The following HOXB13 variants were observed in gnomAD, a reference collection of about 807,000 sequenced individuals.
HOXB13 encodes the protein homeobox B13.
In HOXB13, 22 loss-of-function variants were observed where a neutral mutation model predicts 23.1. The ratio of observed to expected loss-of-function variants is 0.95; its 90% CI spans 0.68 to 1.36. HOXB13 has a LOEUF of 1.36. HOXB13 is among the 40% of genes most tolerant of loss of function. The pLI, the probability that HOXB13 is intolerant of heterozygous loss-of-function variation, is 0.00. For synonymous variants in HOXB13, 173 were observed against 157.9 expected (o/e 1.10, Z -0.72); for missense variants, 386 against 376.2 (o/e 1.03, Z -0.22).
chr17:48,727,401 A>C (rs569387292), intron 1 of HOXB13, among the ~76,000 whole-genome samples: 1 of 152,024 alleles, frequency 6.6e-6, no homozygotes, highest in Non-Finnish European at 1.5e-5. Context: ...TTCTACAGGC[A>C]AATTCTGGAA....
Position 48,725,734 on chromosome 17 carries a change from C to A in HOXB13, c.*1056G>T, listed in dbSNP as rs905057486. ...TGCGCGGCCAGGAGATGAGTCCCAC[C>A]GGGCACTGAGCCCAGGTACAGGACA... is the stretch of plus-strand genomic sequence containing the variant. On this transcript the variant is annotated 3_prime_UTR_variant, in exon 2 of 2. Transcript: ENST00000290295. 3 of 152,346 alleles carry A rather than the reference C, an allele frequency of 2.0e-5. No individual in the cohort carries two copies. Among genetic ancestry groups the A allele is most frequent in the Admixed American group, 1.3e-4 (2 of 15,288 alleles). The allele number at this position is 152,346 out of a possible 1,614,324, so 9.4% of individuals were successfully genotyped here.
In HOXB13 at chr17:48,728,598, C is replaced by A. The variant is rs1567701739; in HGVS notation, c.-5G>T. 4 of 1,611,478 alleles carry A rather than the reference C, an allele frequency of 2.5e-6. No individual in the cohort carries two copies. In the East Asian group the frequency reaches 6.7e-5, roughly 27 times the overall value. On this transcript the variant is annotated 5_prime_UTR_variant, in exon 1 of 2. Coordinates refer to ENST00000290295, the MANE Select transcript of HOXB13 (RefSeq NM_006361.6). ...GGCATAATTGCCGGGCTCCATGGAG[C>A]CGAGGGTCGGCTCATGAGGTGCGGG...
chr17:48,727,876 G>A, intron 1 of HOXB13, 117 bp downstream of exon 1: 2 of 1,262,916 alleles, frequency 1.6e-6, no homozygotes, highest in South Asian at 1.4e-5. Context: ...ACCAAGGGAG[G>A]AGCACCAAGC....
chr17:48,728,557 T>C lies in HOXB13; in HGVS notation c.37A>G (p.Lys13Glu). 1 of 1,612,898 alleles carries C rather than the reference T, an allele frequency of 6.2e-7. No homozygotes were observed. The highest frequency in any genetic ancestry group is 1.1e-5 in the South Asian group (1 of 91,048). Residue 13 changes from lysine (K) to glutamate (E), a missense_variant, in exon 1 of 2, where the codon AAG (lysine) becomes GAG (glutamate). By Grantham distance (56) the Lys-to-Glu change is moderately conservative (BLOSUM62 1). Coordinates refer to ENST00000290295, the MANE Select transcript of HOXB13 (RefSeq NM_006361.6). ...GCTCCCAGCAAGCCTTCGATATCCTTGGCTCCATCCAAGGTGGCATAATTG... is the reference window on the plus strand; with the variant it reads ...GCTCCCAGCAAGCCTTCGATATCCTCGGCTCCATCCAAGGTGGCATAATTG... ...PGNYATLDGAKDIEGLLGAGG... is the reference protein window; with the variant it reads ...PGNYATLDGAEDIEGLLGAGG...
In HOXB13 at chr17:48,726,607, T is replaced by G; in HGVS notation, c.*183A>C. Reference sequence around the variant, plus strand: ...GTGGGCTGTCACATGGGGTTCCGTCTCCCTGCACATACTGGGTACCCAGGC... The same window carrying G: ...GTGGGCTGTCACATGGGGTTCCGTCGCCCTGCACATACTGGGTACCCAGGC... On this transcript the variant is annotated 3_prime_UTR_variant, in exon 2 of 2. Transcript: ENST00000290295. 1.5e-6 allele frequency: 1 copy of G among 677,486 alleles called. No individual in the cohort carries two copies. Among genetic ancestry groups the G allele is most frequent in the Non-Finnish European group, 2.5e-6 (1 of 407,950 alleles). 42.0% of individuals were successfully genotyped at this position (677,486 alleles called of 1,614,324 possible). A position where few individuals can be genotyped will look rare whatever the true frequency, so the allele number is the denominator to read the frequency against.
At position 48,726,007 on chromosome 17, in the gene HOXB13, C is replaced by A. The variant is rs537447730; in HGVS notation, c.*783G>T. 1 of 152,350 alleles carries A rather than the reference C, an allele frequency of 6.6e-6. No individual in the cohort carries two copies. Among genetic ancestry groups the A allele is most frequent in the African/African-American group, 2.4e-5 (1 of 41,578 alleles). The allele number at this position is 152,350 out of a possible 1,614,324, so 9.4% of individuals were successfully genotyped here. ...AAACCATGACCTGCTTTGGTCAGAACCACCAGAAATATTAAGGGAAGACTC... is the reference window on the plus strand; with the variant it reads ...AAACCATGACCTGCTTTGGTCAGAAACACCAGAAATATTAAGGGAAGACTC... On this transcript the variant is annotated 3_prime_UTR_variant, in exon 2 of 2. Coordinates refer to ENST00000290295, the MANE Select transcript of HOXB13 (RefSeq NM_006361.6).
At position 48,728,520 on chromosome 17, in the gene HOXB13, C is replaced by T. The variant is rs587780165; in HGVS notation, c.74G>A (p.Arg25Gln). The T allele has an allele frequency of 1.2e-6, 2 of 1,613,248 alleles. No homozygotes were observed. The highest frequency in any genetic ancestry group is 1.7e-6 in the Non-Finnish European group (2 of 1,179,938). ...CAGAGGGGAGTGGGCGACCAGATTC[C>T]GCCCCCCTCCCGCTCCCAGCAAGCC... ...IEGLLGAGGG[R>Q]NLVAHSPLTS... The change falls in exon 1 of 2, where the codon CGG becomes CAG. Residue 25 changes from arginine to glutamine, a missense_variant. By Grantham distance (43) the Arg-to-Gln change is conservative. Transcript: ENST00000290295.
chr17:48,724,883 T>A lies in HOXB13; in HGVS notation c.*1907A>T. On this transcript the variant is annotated 3_prime_UTR_variant, in exon 2 of 2. Coordinates refer to ENST00000290295, the MANE Select transcript of HOXB13 (RefSeq NM_006361.6). Reference sequence around the variant, plus strand: ...TCCAGAGGTTCCAGACCCCCAAAGGTCTCTACCAGGGCCATCTCCGTTAGT... The same window carrying A: ...TCCAGAGGTTCCAGACCCCCAAAGGACTCTACCAGGGCCATCTCCGTTAGT... 1 of 396,788 alleles carries A rather than the reference T, an allele frequency of 2.5e-6. No homozygotes were observed. Among genetic ancestry groups the A allele is most frequent in the Non-Finnish European group, 4.4e-6 (1 of 228,908 alleles). 24.6% of individuals were successfully genotyped at this position (396,788 alleles called of 1,614,324 possible). A position where few individuals can be genotyped will look rare whatever the true frequency, so the allele number is the denominator to read the frequency against.
rs988736136 is a variant in HOXB13 at position 48,728,701 on chromosome 17, A to T, written c.-108T>A. 3 of 1,081,524 alleles carry T rather than the reference A, an allele frequency of 2.8e-6. No homozygotes were observed. Among genetic ancestry groups the T allele is most frequent in the Admixed American group, 2.4e-5 (1 of 40,876 alleles). 67.0% of individuals were successfully genotyped at this position (1,081,524 alleles called of 1,614,324 possible). A position where few individuals can be genotyped will look rare whatever the true frequency, so the allele number is the denominator to read the frequency against. On this transcript the variant is annotated 5_prime_UTR_variant, in exon 1 of 2. Coordinates refer to ENST00000290295, the MANE Select transcript of HOXB13 (RefSeq NM_006361.6). ...ATCCAAAGCGTTTTAAATCGCTCCC[A>T]GCTCGCAAGTCGCCTGCATTCGCTC...
chr17:48,726,951 C>T lies in HOXB13; in HGVS notation c.694G>A (p.Glu232Lys), dbSNP rs1370849824. Residue 232 changes from glutamate to lysine, a missense_variant, in exon 2 of 2, where the codon GAG becomes AAG. Transcript: ENST00000290295. ...AACTTGTTAGCCGCATACTCCCGCT[C>T]CAGCTCCCGCAACTGCCCCTTGCTG... The part of the protein sequence containing the change: ...PYSKGQLREL[E>K]REYAANKFIT... 2 of 1,613,722 alleles carry T rather than the reference C, an allele frequency of 1.2e-6. No homozygotes were observed. The highest frequency in any genetic ancestry group is 8.5e-7 in the Non-Finnish European group (1 of 1,180,032).
chr17:48,725,994 G>A lies in HOXB13; in HGVS notation c.*796C>T, dbSNP rs1597931627. ...CCAAATGCTCAACAAACCATGACCT[G>A]CTTTGGTCAGAACCACCAGAAATAT... is the stretch of plus-strand genomic sequence containing the variant. On this transcript the variant is annotated 3_prime_UTR_variant, in exon 2 of 2. Coordinates refer to ENST00000290295, the MANE Select transcript of HOXB13 (RefSeq NM_006361.6). The A allele has an allele frequency of 6.6e-6, 1 of 152,226 alleles. No homozygotes were observed. The highest frequency in any genetic ancestry group is 1.9e-4 in the East Asian group (1 of 5,200). 9.4% of individuals were successfully genotyped at this position (152,226 alleles called of 1,614,324 possible).
In HOXB13 at chr17:48,725,230, C is replaced by G. The variant is rs1274449941; in HGVS notation, c.*1560G>C. ...CTTAAGCTGGACCACGGGGCTTGGACGATTTTTTAAATCAGGAAATCGACC... is the reference window on the plus strand; with the variant it reads ...CTTAAGCTGGACCACGGGGCTTGGAGGATTTTTTAAATCAGGAAATCGACC... On this transcript the variant is annotated 3_prime_UTR_variant, in exon 2 of 2. Transcript: ENST00000290295. The G allele has an allele frequency of 6.5e-6, 1 of 152,692 alleles. No homozygotes were observed. The allele number at this position is 152,692 out of a possible 1,614,324, so 9.5% of individuals were successfully genotyped here. A position where few individuals can be genotyped will look rare whatever the true frequency, so the allele number is the denominator to read the frequency against.
chr17:48,727,905 A>C, intron 1 of HOXB13, 88 bp downstream of exon 1: 1 of 1,471,028 alleles, frequency 6.8e-7, no homozygotes, highest in Non-Finnish European at 9.2e-7. Flanking sequence ...ACCAGCTCCA[A>C]GTCTCCCTCC....
At chr17:48,727,637 A>T (rs1255631966) in intron 1 of HOXB13, among the ~76,000 whole-genome samples, 1 of 152,180 alleles carries the variant, frequency 6.6e-6, no homozygotes, top group Non-Finnish European at 1.5e-5. Context: ...ATTGAGAGTT[A>T]TTTAGCTTTT....
Position 48,728,617 on chromosome 17 carries a change from G to C in HOXB13, c.-24C>G, listed in dbSNP as rs1597935528. On this transcript the variant is annotated 5_prime_UTR_variant, in exon 1 of 2. Transcript: ENST00000290295. ...ATGGAGCCGAGGGTCGGCTCATGAGGTGCGGGGGCGGGGAATCTAGGGGGC... is the reference window on the plus strand; with the variant it reads ...ATGGAGCCGAGGGTCGGCTCATGAGCTGCGGGGGCGGGGAATCTAGGGGGC... The C allele has an allele frequency of 6.2e-7, 1 of 1,609,868 alleles. No homozygotes were observed. Among genetic ancestry groups the C allele is most frequent in the East Asian group, 2.2e-5 (1 of 44,842 alleles).
In HOXB13 at chr17:48,726,554, GGCCA is replaced by G; in HGVS notation, c.*232_*235del. The G allele has an allele frequency of 3.5e-6, 2 of 567,852 alleles. No homozygotes were observed. The highest frequency in any genetic ancestry group is 6.3e-6 in the Non-Finnish European group (2 of 318,776). The allele number at this position is 567,852 out of a possible 1,614,324, so 35.2% of individuals were successfully genotyped here. ...CTGTCAGGATGAATGATTATGACTG[GGCCA>G]GGTTCTTTGGGAACCCTGGTGGAGT... On this transcript the variant is annotated 3_prime_UTR_variant, in exon 2 of 2. Transcript: ENST00000290295.
In HOXB13 at chr17:48,728,019, C is replaced by A. The variant is rs2143070847; in HGVS notation, c.575G>T (p.Gly192Val). 1 of 1,614,170 alleles carries A rather than the reference C, an allele frequency of 6.2e-7. No homozygotes were observed. The highest frequency in any genetic ancestry group is 1.6e-4 in the Middle Eastern group (1 of 6,062). The stretch of plus-strand genomic sequence containing the variant: ...TGCAAATGCTGCCTTCCAAAAGGGA[C>A]CTGGTGGGTTCTGTTCTCCCTGGCA... ...MCCQGEQNPPGPFWKAAFADS... is the reference protein window; with the variant it reads ...MCCQGEQNPPVPFWKAAFADS... The change falls in exon 1 of 2, where the codon GGT becomes GTT. Residue 192 changes from glycine (G) to valine (V), a missense_variant. By Grantham distance (109) the Gly-to-Val change is moderately radical. Coordinates refer to ENST00000290295, the MANE Select transcript of HOXB13 (RefSeq NM_006361.6).
In HOXB13 at chr17:48,728,072, G is replaced by C. The variant is rs1408338112; in HGVS notation, c.522C>G (p.Leu174=). ...LPVDSYQSWA[L]AGGWNSQMCC... Reference sequence around the variant, plus strand: ...ACATCTGGCTGTTCCAGCCACCAGCGAGAGCCCAAGACTGGTAACTGTCCA... The same window carrying C: ...ACATCTGGCTGTTCCAGCCACCAGCCAGAGCCCAAGACTGGTAACTGTCCA... The change falls in exon 1 of 2, where the codon CTC becomes CTG. Residue 174 remains leucine, a synonymous_variant. Transcript: ENST00000290295. 3.1e-6 allele frequency: 5 copies of C among 1,614,180 alleles called. No homozygotes were observed. Among genetic ancestry groups the C allele is most frequent in the Admixed American group, 1.7e-5 (1 of 60,024 alleles).
At position 48,728,727 on chromosome 17, in the gene HOXB13, A is replaced by C. The variant is rs2038246273; in HGVS notation, c.-134T>G. The C allele has an allele frequency of 1.2e-6, 1 of 815,808 alleles. No homozygotes were observed. The highest frequency in any genetic ancestry group is 1.7e-5 in the African/African-American group (1 of 58,124). 50.5% of individuals were successfully genotyped at this position (815,808 alleles called of 1,614,324 possible). ...GCTCGCAAGTCGCCTGCATTCGCTC[A>C]GCACGGCCGTCTTGACGCAAGAGAC... is the stretch of plus-strand genomic sequence containing the variant. On this transcript the variant is annotated 5_prime_UTR_variant, in exon 1 of 2. Transcript: ENST00000290295.
Sources: gnomAD v4.1 joint callset for allele counts (sites outside exome capture counted in the v4.1 genomes callset) on GRCh38, gnomAD v4.1.1 for gene constraint, MANE v1.5 for transcripts, NCBI Gene and HGNC (gene_info 2026-07-23, HGNC 2026-07-21) for gene names.